The following LRGUK variants were observed in gnomAD, a reference collection of about 807,000 sequenced individuals.
The protein encoded by LRGUK is leucine-rich repeat and guanylate kinase domain-containing protein.
In LRGUK, 65 loss-of-function variants were observed where a neutral mutation model predicts 76.0. The ratio of observed to expected loss-of-function variants is 0.85; its 90% CI spans 0.70 to 1.05. LRGUK has a LOEUF of 1.05. Among genes scored for constraint, LRGUK ranks in the 50% least tolerant of loss-of-function variants. The pLI, the probability that LRGUK is intolerant of heterozygous loss-of-function variation, is 0.00. For missense variants in LRGUK, 758 were observed against 732.8 expected (o/e 1.03, Z -0.40); for synonymous variants, 268 against 265.6 (o/e 1.01, Z -0.09).
At chr7:134,255,853 A>G (rs1005972331) in intron 18 of LRGUK, among the ~76,000 whole-genome samples, 9 of 152,070 alleles carry the variant, frequency 5.9e-5, no homozygotes, top group African/African-American at 2.2e-4. Context: ...TGGTCTCAGC[A>G]TGATTCCTTG....
chr7:134,240,338 CA>C (rs1295993461), intron 16 of LRGUK, among the ~76,000 whole-genome samples: 4 of 152,138 alleles, frequency 2.6e-5, no homozygotes, highest in Non-Finnish European at 4.4e-5. Context: ...CTAGAATAAA[CA>C]GTGTAGAGAA....
chr7:134,178,185 A>G (rs1039441758), intron 9 of LRGUK, among the ~76,000 whole-genome samples: 2 of 152,060 alleles, frequency 1.3e-5, no homozygotes, highest in Non-Finnish European at 2.9e-5. Flanking sequence ...TGGGCTTTAG[A>G]GGGGCTGTGG....
At chr7:134,238,783 C>T (rs1007173456) in intron 16 of LRGUK, among the ~76,000 whole-genome samples, 1 of 152,120 alleles carries the variant, frequency 6.6e-6, no homozygotes, top group African/African-American at 2.4e-5. Context: ...CCACTAGATA[C>T]TTTCTGTTGC....
chr7:134,185,090 G>A (rs1409303094), intron 11 of LRGUK, among the ~76,000 whole-genome samples: 1 of 152,062 alleles, frequency 6.6e-6, no homozygotes, highest in Non-Finnish European at 1.5e-5. Flanking sequence ...TTTCCTTCAG[G>A]TTAGCATTCA....
In LRGUK at chr7:134,235,822, A is replaced by T. The variant is rs533780199; in HGVS notation, c.1984-11734A>T. 1.4e-3 allele frequency among the ~76,000 whole-genome samples: 213 copies of T among 152,304 alleles called. 1 individual carries two copies. The highest frequency in any genetic ancestry group is 4.8e-3 in the African/African-American group (199 of 41,564). On this transcript the variant is annotated intron_variant, in intron 16 of 19. Transcript: ENST00000285928. Reference sequence around the variant, plus strand: ...CTGAGTCATTTTCTTATCTGTAGAGATAATAGTAATCAAGTCCTAGGTTAT... The same window carrying T: ...CTGAGTCATTTTCTTATCTGTAGAGTTAATAGTAATCAAGTCCTAGGTTAT...
intron 15 of LRGUK, among the ~76,000 whole-genome samples, chr7:134,208,015 TGA>T (rs988610928): frequency 2.6e-5 from 4 of 152,312 alleles, no homozygotes; most frequent in Admixed American, 2.6e-4. Context: ...TAGTGGCCTC[TGA>T]GAGCCATTTT....
chr7:134,228,951 A>T (rs1801825479), intron 16 of LRGUK, among the ~76,000 whole-genome samples: 1 of 152,240 alleles, frequency 6.6e-6, no homozygotes, highest in Non-Finnish European at 1.5e-5. Flanking sequence ...TAAAGCATAA[A>T]CAAGAAATAA....
At chr7:134,178,934 A>AAAAACAAAAAAAAAAAACC (rs1554464243) in intron 10 of LRGUK, among the ~76,000 whole-genome samples, 2 of 78,164 alleles carry the variant, frequency 2.6e-5, no homozygotes, top group African/African-American at 1.1e-4. Context: ...CTCAAAAAAA[A>AAAAACAAAAAAAAAAAACC]AAAAAAAAAA....
chr7:134,259,193 A>C (rs781529701), intron 19 of LRGUK, among the ~76,000 whole-genome samples: 1 of 152,150 alleles, frequency 6.6e-6, no homozygotes, highest in East Asian at 1.9e-4. Context: ...ACATGTGAAC[A>C]TGCATGTCCA....
exon 20 of LRGUK, chr7:134,263,964 G>T (rs370903772): frequency 3.1e-6 from 5 of 1,609,642 alleles, no homozygotes; most frequent in Admixed American, 1.7e-5. Flanking sequence ...AATCCCTCAG[G>T]GCCGCAGGTA....
At chr7:134,223,451 T>C (rs1801654170) in intron 16 of LRGUK, among the ~76,000 whole-genome samples, 1 of 152,196 alleles carries the variant, frequency 6.6e-6, no homozygotes, top group Admixed American at 6.5e-5. Context: ...GGGTGCCCAC[T>C]AAACATCTAT....
intron 17 of LRGUK, among the ~76,000 whole-genome samples, chr7:134,248,261 G>A (rs765112524): frequency 1.4e-4 from 22 of 152,198 alleles, no homozygotes; most frequent in Non-Finnish European, 3.1e-4. Context: ...AGGCCTGTTC[G>A]AACACTCTGG....
At chr7:134,184,253 C>T (rs1799884694) in intron 11 of LRGUK, among the ~76,000 whole-genome samples, 1 of 151,590 alleles carries the variant, frequency 6.6e-6, no homozygotes, top group African/African-American at 2.4e-5. Flanking sequence ...CAGGAAGAAA[C>T]AAAATAATTT....
rs189306422 is a variant in LRGUK, at chr7:134,262,172, G to A, written c.2348-1673G>A. On this transcript the variant is annotated intron_variant, in intron 19 of 19. Coordinates refer to the LRGUK transcript ENST00000285928. ...GCAGATCACTTGAGGTCAGGCATTC[G>A]AGACCAGTCTGGCCAACATGGCGAA... Among the ~76,000 whole-genome samples the A allele has an allele frequency of 2.1e-4, 32 of 152,002 alleles. 1 individual carries two copies. In the East Asian group the frequency reaches 4.9e-3, roughly 23 times the overall value.
intron 11 of LRGUK, among the ~76,000 whole-genome samples, chr7:134,185,438 G>C (rs985325654): frequency 6.6e-6 from 1 of 151,558 alleles, no homozygotes; most frequent in African/African-American, 2.4e-5. Flanking sequence ...GCGCACACCT[G>C]TAATCCCAGC....
the LRGUK span, among the ~76,000 whole-genome samples, chr7:134,271,100 C>T: frequency 6.6e-6 from 1 of 151,986 alleles, no homozygotes; most frequent in African/African-American, 2.4e-5. Context: ...TATTGGCCAC[C>T]TACAGTTCTC....
intron 15 of LRGUK, among the ~76,000 whole-genome samples, chr7:134,207,682 A>G (rs1269126703): frequency 6.6e-6 from 1 of 152,118 alleles, no homozygotes; most frequent in Non-Finnish European, 1.5e-5. Context: ...CCTCTGGGGA[A>G]TGGATCACTC....
intron 1 of LRGUK, 135 bp downstream of exon 1, chr7:134,127,799 C>G (rs1013060441): frequency 2.1e-6 from 2 of 935,994 alleles, no homozygotes; most frequent in Non-Finnish European, 3.2e-6. Flanking sequence ...CCAGGAACGC[C>G]TCTTCCCCCT....
chr7:134,268,303 C>T (rs1029612334), downstream of LRGUK, among the ~76,000 whole-genome samples: 1 of 150,658 alleles, frequency 6.6e-6, no homozygotes, highest in Non-Finnish European at 1.5e-5. Context: ...CTACAGACTC[C>T]ATAAATATCA....
Sources: gnomAD v4.1 joint callset for allele counts (sites outside exome capture counted in the v4.1 genomes callset) on GRCh38, gnomAD v4.1.1 for gene constraint, MANE v1.5 for transcripts, NCBI Gene and HGNC (gene_info 2026-07-23, HGNC 2026-07-21) for gene names.